RTN4RL1: variants seen among roughly 807,000 people sequenced by gnomAD.
RTN4RL1 encodes reticulon-4 receptor-like 1.
RTN4RL1 carries 7 observed loss-of-function variants against 25.6 expected under a neutral mutation model. The observed-to-expected ratio is 0.27, with a 90% CI of 0.16 to 0.51. The LOEUF (loss-of-function observed/expected upper bound fraction) is 0.51, where lower values mean the gene tolerates loss of function less well. Among genes scored for constraint, RTN4RL1 ranks in the 20% least tolerant of loss-of-function variants. RTN4RL1 has a pLI of 0.97. For synonymous variants in RTN4RL1, 297 were observed against 288.2 expected (o/e 1.03, Z -0.31); for missense variants, 500 against 615.6 (o/e 0.81, Z 1.99).
intron 1 of RTN4RL1, among the ~76,000 whole-genome samples, chr17:1,977,303 G>A (rs1056618367): frequency 3.3e-5 from 5 of 152,300 alleles, no homozygotes; most frequent in Middle Eastern, 6.8e-3. Flanking sequence ...AGGCCCGAGA[G>A]CGCCCCGCAC....
At position 2,024,972 on chromosome 17, in the gene RTN4RL1, C is replaced by T; in HGVS notation, c.-107G>A. 8.0e-7 allele frequency: 1 copy of T among 1,254,836 alleles called. No homozygotes were observed. The highest frequency in any genetic ancestry group is 1.1e-6 in the Non-Finnish European group (1 of 902,560). The allele number at this position is 1,254,836 out of a possible 1,614,324, so 77.7% of individuals were successfully genotyped here. ...TGCAGCTAATCCGAGCGCGTCGAGG[C>T]GGGGGCAAGCCGGGGATCCGCTCGT... On this transcript the variant is annotated 5_prime_UTR_variant, in exon 1 of 2. Transcript: ENST00000331238.
intron 1 of RTN4RL1, among the ~76,000 whole-genome samples, chr17:1,981,748 A>C (rs73290071): frequency 0.24 from 35,796 of 152,244 alleles, 4,724 homozygotes; most frequent in Middle Eastern, 0.35. Context: ...TAGAACCCAC[A>C]GTGCAGTGTC....
At chr17:1,946,921 T>C (rs1423006183) in intron 1 of RTN4RL1, among the ~76,000 whole-genome samples, 1 of 149,224 alleles carries the variant, frequency 6.7e-6, no homozygotes, top group Non-Finnish European at 1.5e-5. Flanking sequence ...CGTGTGTCTG[T>C]GTGCATCTCT....
chr17:1,953,319 T>C (rs1485103864), intron 1 of RTN4RL1, among the ~76,000 whole-genome samples: 1 of 151,834 alleles, frequency 6.6e-6, no homozygotes, highest in Non-Finnish European at 1.5e-5. Flanking sequence ...GGCGGGAAGA[T>C]CACTTGAGCC....
At chr17:2,005,700 C>T (rs1567523232) in intron 1 of RTN4RL1, among the ~76,000 whole-genome samples, 1 of 151,996 alleles carries the variant, frequency 6.6e-6, no homozygotes, top group Non-Finnish European at 1.5e-5. Context: ...CTGTTGCACT[C>T]CAGCCTGGAC....
At chr17:1,943,498 GGTAA>G (rs1915480196) in intron 1 of RTN4RL1, among the ~76,000 whole-genome samples, 1 of 152,198 alleles carries the variant, frequency 6.6e-6, no homozygotes, top group Non-Finnish European at 1.5e-5. Flanking sequence ...CTTGGAGACC[GGTAA>G]GATCCCTCTG....
rs1400357346 is a variant in RTN4RL1 at position 2,012,266 on chromosome 17, C to T, written c.13+12587G>A. On this transcript the variant is annotated intron_variant, in intron 1 of 1. Coordinates refer to ENST00000331238, the MANE Select transcript of RTN4RL1 (RefSeq NM_178568.4). ...GCGAGAGGTTATTTTCCTAACACAG[C>T]GCCTGCTCTGCTGGGCATCCTCTGT... Among the ~76,000 whole-genome samples, 9 of 152,334 alleles carry T rather than the reference C, an allele frequency of 5.9e-5. No individual in the cohort carries two copies. The South Asian group carries it at 1.0e-3, about 18-fold the overall frequency.
chr17:2,002,516 T>C (rs1009725089), intron 1 of RTN4RL1, among the ~76,000 whole-genome samples: 1 of 151,410 alleles, frequency 6.6e-6, no homozygotes, highest in Non-Finnish European at 1.5e-5. Flanking sequence ...ATGGTCTCAA[T>C]CTCCTGACCT....
intron 1 of RTN4RL1, among the ~76,000 whole-genome samples, chr17:1,985,747 G>A (rs1335747928): frequency 6.6e-6 from 1 of 152,160 alleles, no homozygotes; most frequent in Non-Finnish European, 1.5e-5. Context: ...CTCTGCCAAT[G>A]GAATCCACCA....
At chr17:1,941,945 C>A (rs1184194350) in intron 1 of RTN4RL1, among the ~76,000 whole-genome samples, 2 of 152,196 alleles carry the variant, frequency 1.3e-5, no homozygotes, top group Admixed American at 6.5e-5. Flanking sequence ...GGAGCCCCGA[C>A]CCGCTGATTG....
intron 1 of RTN4RL1, among the ~76,000 whole-genome samples, chr17:2,011,284 C>T (rs548825197): frequency 7.0e-4 from 107 of 152,222 alleles, no homozygotes; most frequent in African/African-American, 2.3e-3. Context: ...TAAAAATAAA[C>T]GTTTGTCAAA....
At chr17:1,940,410 C>G (rs2085804977) in intron 1 of RTN4RL1, among the ~76,000 whole-genome samples, 1 of 152,184 alleles carries the variant, frequency 6.6e-6, no homozygotes. Flanking sequence ...TGGGCCGAGG[C>G]TGCTGCTGTT....
Position 1,935,513 on chromosome 17 carries a change from C to G in RTN4RL1, c.*983G>C. 1.0e-6 allele frequency: 1 copy of G among 984,978 alleles called. No individual in the cohort carries two copies. Among genetic ancestry groups the G allele is most frequent in the Non-Finnish European group, 1.2e-6 (1 of 829,248 alleles). The allele number at this position is 984,978 out of a possible 1,614,324, so 61.0% of individuals were successfully genotyped here. Reference sequence around the variant, plus strand: ...CTCACCGTCCCGCCGACACCTTGCCCCAGGCCCTTGGCAAGGCCAGGTCCC... The same window carrying G: ...CTCACCGTCCCGCCGACACCTTGCCGCAGGCCCTTGGCAAGGCCAGGTCCC... On this transcript the variant is annotated 3_prime_UTR_variant, in exon 2 of 2. Transcript: ENST00000331238.
rs147410005 is a variant in RTN4RL1 at position 1,978,187 on chromosome 17, G to C, written c.14-40379C>G. 8.3e-4 allele frequency among the ~76,000 whole-genome samples: 126 copies of C among 152,332 alleles called. 1 individual carries two copies. The Middle Eastern group carries it at 0.014, about 16-fold the overall frequency. On this transcript the variant is annotated intron_variant, in intron 1 of 1. Coordinates refer to ENST00000331238, the MANE Select transcript of RTN4RL1 (RefSeq NM_178568.4). Reference sequence around the variant, plus strand: ...GCTGGGCTGCATTTAACCCCAGGGTGCTCCTGCCGCCTCTGCTGTCTCCAG... The same window carrying C: ...GCTGGGCTGCATTTAACCCCAGGGTCCTCCTGCCGCCTCTGCTGTCTCCAG...
intron 1 of RTN4RL1, among the ~76,000 whole-genome samples, chr17:1,991,999 C>G (rs1254033609): frequency 6.6e-6 from 1 of 152,140 alleles, no homozygotes; most frequent in Non-Finnish European, 1.5e-5. Context: ...ACCCTCCTTC[C>G]TTGTACACAC....
chr17:1,972,525 C>A (rs1350608775), intron 1 of RTN4RL1, among the ~76,000 whole-genome samples: 1 of 152,028 alleles, frequency 6.6e-6, no homozygotes, highest in Non-Finnish European at 1.5e-5. Flanking sequence ...ACCCTTCCCG[C>A]TTTGCGGCCC....
At chr17:1,967,832 G>A (rs1233629266) in intron 1 of RTN4RL1, among the ~76,000 whole-genome samples, 1 of 152,108 alleles carries the variant, frequency 6.6e-6, no homozygotes, top group Non-Finnish European at 1.5e-5. Context: ...GTAGAGACGG[G>A]GTTTCACCAT....
At chr17:1,969,991 G>A (rs931540091) in intron 1 of RTN4RL1, among the ~76,000 whole-genome samples, 3 of 148,302 alleles carry the variant, frequency 2.0e-5, no homozygotes, top group South Asian at 2.2e-4. Context: ...CTCTCTCCAT[G>A]TGGCCTCAGG....
At chr17:1,961,404 T>A (rs1226490731) in intron 1 of RTN4RL1, among the ~76,000 whole-genome samples, 1 of 152,144 alleles carries the variant, frequency 6.6e-6, no homozygotes, top group Non-Finnish European at 1.5e-5. Flanking sequence ...GAGACAGCAG[T>A]CACGGTAGGA....
Sources: gnomAD v4.1 joint callset for allele counts (sites outside exome capture counted in the v4.1 genomes callset) on GRCh38, gnomAD v4.1.1 for gene constraint, MANE v1.5 for transcripts, NCBI Gene and HGNC (gene_info 2026-07-23, HGNC 2026-07-21) for gene names.